The following ZMYM4 variants were observed in gnomAD, a reference collection of about 807,000 sequenced individuals.
ZMYM4 encodes the protein zinc finger MYM-type protein 4.
ZMYM4 carries 31 observed loss-of-function variants against 183.2 expected under a neutral mutation model. The observed-to-expected ratio is 0.17, with a 90% CI of 0.13 to 0.23. The LOEUF (loss-of-function observed/expected upper bound fraction) is 0.23, where lower values mean the gene tolerates loss of function less well. Ranked by LOEUF, ZMYM4 falls within the 10% of genes least tolerant of loss-of-function variation. The pLI, the probability that ZMYM4 is intolerant of heterozygous loss-of-function variation, is 1.00. For missense variants in ZMYM4, 1,273 were observed against 1,840.3 expected, an observed-to-expected ratio of 0.69 and a Z score of 5.64; for synonymous variants, 592 against 631.2, an observed-to-expected ratio of 0.94 and a Z score of 0.93.
intron 1 of ZMYM4, among the ~76,000 whole-genome samples, chr1:35,284,508 A>G (rs1014365416): frequency 1.3e-5 from 2 of 152,152 alleles, no homozygotes; most frequent in Non-Finnish European, 2.9e-5. Context: ...GTGTATGAAT[A>G]TCCAGGTTTC....
intron 2 of ZMYM4, among the ~76,000 whole-genome samples, chr1:35,327,902 T>C (rs1285492134): frequency 6.6e-6 from 1 of 152,220 alleles, no homozygotes; most frequent in Non-Finnish European, 1.5e-5. Flanking sequence ...TTGAACCAAT[T>C]ATCTGTGGTC....
chr1:35,320,722 T>C (rs1273836819), intron 1 of ZMYM4, among the ~76,000 whole-genome samples: 1 of 152,202 alleles, frequency 6.6e-6, no homozygotes, highest in Non-Finnish European at 1.5e-5. Flanking sequence ...AAGTGAATTA[T>C]AGGACACACA....
intron 9 of ZMYM4, 65 bp downstream of exon 9, chr1:35,381,823 A>G (rs1233902151): frequency 1.1e-5 from 17 of 1,562,856 alleles, no homozygotes; most frequent in Non-Finnish European, 1.3e-5. Flanking sequence ...TTTAGTCAGA[A>G]TTATTTATGA....
At chr1:35,349,176 C>T (rs1198686346) in intron 2 of ZMYM4, among the ~76,000 whole-genome samples, 6 of 151,912 alleles carry the variant, frequency 3.9e-5, no homozygotes, top group Admixed American at 1.3e-4. Flanking sequence ...TTAGTAGAGA[C>T]GGGGTTTTGC....
At chr1:35,411,562 A>G (rs1204985950) in intron 26 of ZMYM4, among the ~76,000 whole-genome samples, 2 of 152,196 alleles carry the variant, frequency 1.3e-5, no homozygotes, top group African/African-American at 4.8e-5. Flanking sequence ...GTTCCTCAAA[A>G]TTCTTTGGGC....
chr1:35,402,956 C>T (rs867913008), intron 23 of ZMYM4, among the ~76,000 whole-genome samples: 3 of 152,098 alleles, frequency 2.0e-5, no homozygotes, highest in Admixed American at 6.5e-5. Flanking sequence ...CCTAACCTTA[C>T]GGTGAAAAAA....
At chr1:35,335,849 A>T (rs1209003737) in intron 2 of ZMYM4, among the ~76,000 whole-genome samples, 3 of 152,152 alleles carry the variant, frequency 2.0e-5, no homozygotes, top group African/African-American at 7.2e-5. Context: ...GCTACTCGGG[A>T]GGCTGAGGCA....
At chr1:35,270,209 A>G (rs1231610230) in intron 1 of ZMYM4, among the ~76,000 whole-genome samples, 1 of 152,202 alleles carries the variant, frequency 6.6e-6, no homozygotes, top group Non-Finnish European at 1.5e-5. Flanking sequence ...ATTTACTTAG[A>G]TCACACAGCT....
At chr1:35,353,776 C>T (rs1323335243) in intron 2 of ZMYM4, among the ~76,000 whole-genome samples, 4 of 152,178 alleles carry the variant, frequency 2.6e-5, no homozygotes, top group Non-Finnish European at 5.9e-5. Flanking sequence ...ATTTTAATTG[C>T]ATAAGATTTT....
intron 9 of ZMYM4, among the ~76,000 whole-genome samples, chr1:35,383,099 G>A (rs374151530): frequency 3.8e-4 from 58 of 152,240 alleles, no homozygotes; most frequent in Admixed American, 5.9e-4. Flanking sequence ...AGGTGTGCAC[G>A]GGATGAACTG....
chr1:35,335,258 A>G (rs539339030), intron 2 of ZMYM4, among the ~76,000 whole-genome samples: 5 of 150,278 alleles, frequency 3.3e-5, no homozygotes, highest in African/African-American at 1.2e-4. Flanking sequence ...TTTTTCCCAG[A>G]CAGAGTCTCG....
At chr1:35,342,407 T>G (rs1643234137) in intron 2 of ZMYM4, among the ~76,000 whole-genome samples, 2 of 152,104 alleles carry the variant, frequency 1.3e-5, no homozygotes, top group Admixed American at 1.3e-4. Context: ...GCAATCCTCC[T>G]GCCTTGGCCT....
intron 2 of ZMYM4, among the ~76,000 whole-genome samples, chr1:35,356,932 G>A (rs571095858): frequency 1.4e-4 from 21 of 152,188 alleles, no homozygotes; most frequent in Admixed American, 7.8e-4. Context: ...CACCCAGGCT[G>A]GAGTGCAGTG....
At chr1:35,330,053 A>G (rs1206717817) in intron 2 of ZMYM4, among the ~76,000 whole-genome samples, 16 of 152,160 alleles carry the variant, frequency 1.1e-4, no homozygotes, top group Non-Finnish European at 1.5e-5. Flanking sequence ...TGTCTCTGCA[A>G]AAAATACATA....
rs1319850247 is a variant in ZMYM4 at position 35,421,641 on chromosome 1, T to C, written c.*1964T>C. 1 of 152,350 alleles carries C rather than the reference T, an allele frequency of 6.6e-6. No homozygotes were observed. The highest frequency in any genetic ancestry group is 1.9e-4 in the East Asian group (1 of 5,194). The allele number at this position is 152,350 out of a possible 1,614,324, so 9.4% of individuals were successfully genotyped here. A position where few individuals can be genotyped will look rare whatever the true frequency, so the allele number is the denominator to read the frequency against. The stretch of plus-strand genomic sequence containing the variant: ...CCAGATAAATGACTGTATCAGGATT[T>C]CATTTGCATGTTAGTCCACAGAGTT... On this transcript the variant is annotated 3_prime_UTR_variant, in exon 30 of 30. Transcript: ENST00000314607.
chr1:35,323,393 A>T (rs1642370024), intron 1 of ZMYM4, among the ~76,000 whole-genome samples: 1 of 152,206 alleles, frequency 6.6e-6, no homozygotes, highest in Non-Finnish European at 1.5e-5. Flanking sequence ...AATATTGTAT[A>T]AGATGAGAAG....
At chr1:35,330,450 A>C (rs1207510915) in intron 2 of ZMYM4, among the ~76,000 whole-genome samples, 3 of 152,046 alleles carry the variant, frequency 2.0e-5, no homozygotes, top group Non-Finnish European at 2.9e-5. Context: ...TGGAGTAGGG[A>C]GGAAGGAGAG....
At chr1:35,276,062 G>A (rs522821) in intron 1 of ZMYM4, among the ~76,000 whole-genome samples, 37,934 of 151,922 alleles carry the variant, frequency 0.25, 9,875 homozygotes, top group East Asian at 0.77. Flanking sequence ...TCTATCCAGC[G>A]TATAGAACCC....
chr1:35,306,568 T>G (rs1462186031), intron 1 of ZMYM4, among the ~76,000 whole-genome samples: 1 of 152,200 alleles, frequency 6.6e-6, no homozygotes, highest in Non-Finnish European at 1.5e-5. Context: ...AATAAGATGT[T>G]CCAGAGTGAT....
Sources: allele counts gnomAD v4.1 joint callset (sites outside exome capture counted in the v4.1 genomes callset), GRCh38; gene constraint gnomAD v4.1.1; transcripts MANE v1.5; gene names NCBI Gene and HGNC (gene_info 2026-07-23, HGNC 2026-07-21).